Variants in AZIN2 observed in about 807,000 individuals in gnomAD.
The protein encoded by AZIN2 is antizyme inhibitor 2, also known as ODC antizyme inhibitor-2.
AZIN2 carries 28 observed loss-of-function variants against 47.8 expected under a neutral mutation model. The ratio of observed to expected loss-of-function variants is 0.59; its 90% CI spans 0.43 to 0.80. AZIN2 has a LOEUF of 0.80. Among genes scored for constraint, AZIN2 ranks in the 30% least tolerant of loss-of-function variants. AZIN2 has a pLI of 0.00. For synonymous variants in AZIN2, 221 were observed against 239.4 expected, an observed-to-expected ratio of 0.92 and a Z score of 0.71; for missense variants, 535 against 582.5, an observed-to-expected ratio of 0.92 and a Z score of 0.84.
At chr1:33,158,403 G>T in the AZIN2 span, 1 of 1,592,846 alleles carries the variant, frequency 6.3e-7, no homozygotes, top group South Asian at 1.1e-5. Flanking sequence ...CTGCACCAGG[G>T]ACTGGATTCC....
At chr1:33,152,454 C>T in the AZIN2 span, among the ~76,000 whole-genome samples, 1 of 152,152 alleles carries the variant, frequency 6.6e-6, no homozygotes, top group African/African-American at 2.4e-5. Context: ...GTAATCCCAG[C>T]TACTTGGGAG....
chr1:33,143,492 A>C, the AZIN2 span, among the ~76,000 whole-genome samples: 73 of 152,278 alleles, frequency 4.8e-4, no homozygotes, highest in African/African-American at 1.7e-3. Context: ...GAATCACCCC[A>C]GTCACTTCCC....
chr1:33,128,603 A>T, the AZIN2 span, among the ~76,000 whole-genome samples: 1 of 152,230 alleles, frequency 6.6e-6, no homozygotes, highest in African/African-American at 2.4e-5. Context: ...CTGTGTCTAC[A>T]GGGAGCCTGT....
chr1:33,110,430 G>A (rs186401387), intron 10 of AZIN2, among the ~76,000 whole-genome samples: 3 of 152,218 alleles, frequency 2.0e-5, no homozygotes, highest in African/African-American at 7.2e-5. Flanking sequence ...TCAGACCTGC[G>A]TTTACTTCAT....
chr1:33,165,341 G>A, the AZIN2 span: 7 of 800,988 alleles, frequency 8.7e-6, no homozygotes, highest in African/African-American at 1.0e-4. The surrounding 1 kb of genome is among the most constrained non-coding windows in gnomAD (Gnocchi z 4.0). Flanking sequence ...TCTCACTCCA[G>A]GTTTGGCTCC....
intron 5 of AZIN2, among the ~76,000 whole-genome samples, chr1:33,085,966 A>C (rs1641846638): frequency 6.6e-6 from 1 of 152,076 alleles, no homozygotes; most frequent in South Asian, 2.1e-4. Flanking sequence ...TCAGTCCCCG[A>C]GGTCTAGGGT....
At chr1:33,152,930 C>A in the AZIN2 span, among the ~76,000 whole-genome samples, 1 of 151,794 alleles carries the variant, frequency 6.6e-6, no homozygotes, top group Admixed American at 6.6e-5. Context: ...GGCTGCCTGG[C>A]CTGGCTGAGG....
chr1:33,165,377 C>T, the AZIN2 span: 88 of 1,208,010 alleles, frequency 7.3e-5, 3 homozygotes, highest in South Asian at 1.3e-3. The surrounding 1 kb of genome is among the most constrained non-coding windows in gnomAD (Gnocchi z 4.0). Context: ...CACCGCACAC[C>T]CGAGGCCCCG....
At chr1:33,136,997 C>CA in the AZIN2 span, among the ~76,000 whole-genome samples, 3,989 of 119,250 alleles carry the variant, frequency 0.033, 59 homozygotes, top group Non-Finnish European at 0.042. Flanking sequence ...ACTCAGTCTC[C>CA]AAAAAAAAAA....
chr1:33,131,179 T>A, the AZIN2 span, among the ~76,000 whole-genome samples: 1 of 152,208 alleles, frequency 6.6e-6, no homozygotes, highest in African/African-American at 2.4e-5. Context: ...GGAATTCTCT[T>A]TCCTGAGTTT....
chr1:33,115,723 C>A (rs1570200891), intron 10 of AZIN2, among the ~76,000 whole-genome samples: 1 of 152,224 alleles, frequency 6.6e-6, no homozygotes, highest in East Asian at 1.9e-4. Flanking sequence ...TAAATAGATA[C>A]ATAAATAGTA....
the AZIN2 span, among the ~76,000 whole-genome samples, chr1:33,133,940 G>A: frequency 6.6e-6 from 1 of 152,340 alleles, no homozygotes; most frequent in East Asian, 1.9e-4. Context: ...TGCTTTACAT[G>A]CCTTATCTTA....
chr1:33,163,985 AGAG>A, the AZIN2 span: 2 of 152,530 alleles, frequency 1.3e-5, no homozygotes, highest in African/African-American at 4.8e-5. Context: ...TGGGATGTGG[AGAG>A]AAGAGAGTGC....
At chr1:33,161,189 T>G in the AZIN2 span, among the ~76,000 whole-genome samples, 1 of 152,354 alleles carries the variant, frequency 6.6e-6, no homozygotes, top group East Asian at 1.9e-4. The surrounding 1 kb of genome is among the most constrained non-coding windows in gnomAD (Gnocchi z 4.3). Flanking sequence ...TATTGAAGAC[T>G]GCAATTCTAA....
the AZIN2 span, among the ~76,000 whole-genome samples, chr1:33,162,561 A>G: frequency 1.3e-5 from 2 of 152,194 alleles, no homozygotes; most frequent in African/African-American, 4.8e-5. Context: ...AAGGCTGGCA[A>G]TCAGGAGTTG....
downstream of AZIN2, among the ~76,000 whole-genome samples, chr1:33,125,341 C>A (rs1644849201): frequency 1.3e-5 from 2 of 152,204 alleles, no homozygotes; most frequent in East Asian, 3.8e-4. Context: ...TGCTGAAAGC[C>A]CTTCAGTTGA....
rs766344848 is a variant in AZIN2 at position 33,094,706 on chromosome 1, T to C, written c.746T>C (p.Phe249Ser). 11 of 1,614,114 alleles carry C rather than the reference T, an allele frequency of 6.8e-6. No homozygotes were observed. The South Asian group carries it at 1.2e-4, about 18-fold the overall frequency. ...FPGTEGAKVR[F>S]EEIASVINSA... ...GGCACAGAAGGGGCCAAAGTGAGAT[T>C]TGAAGAGGTAACCCTGGAGCTGGGA... The change falls in exon 8 of 12, where the codon TTT becomes TCT. Residue 249 changes from phenylalanine to serine, a missense_variant. This residue lies in a region of AZIN2 where 409 missense variants were observed against 429.0 expected (regional missense o/e 0.95). Coordinates refer to ENST00000294517, the MANE Select transcript of AZIN2 (RefSeq NM_052998.4).
intron 5 of AZIN2, among the ~76,000 whole-genome samples, chr1:33,091,565 A>G (rs1642556760): frequency 1.3e-5 from 2 of 151,560 alleles, no homozygotes; most frequent in South Asian, 4.2e-4. Context: ...TTTTTGAGGA[A>G]CCTCCATACT....
chr1:33,162,349 G>A, the AZIN2 span, among the ~76,000 whole-genome samples: 3 of 152,182 alleles, frequency 2.0e-5, no homozygotes, highest in African/African-American at 7.2e-5. Flanking sequence ...TACTCATCCT[G>A]CAAGACCTAG....
Sources: allele counts gnomAD v4.1 joint callset (sites outside exome capture counted in the v4.1 genomes callset), GRCh38; gene constraint gnomAD v4.1.1; regional missense constraint gnomAD v4.1.1; non-coding constraint Gnocchi (gnomAD v3.1); transcripts MANE v1.5; gene names NCBI Gene and HGNC (gene_info 2026-07-23, HGNC 2026-07-21).